Variants in AKT3 observed in about 807,000 individuals in gnomAD.
AKT3 encodes AKT serine/threonine kinase 3, also known as RAC-gamma serine/threonine-protein kinase.
AKT3 carries 15 observed loss-of-function variants against 65.3 expected under a neutral mutation model. The ratio of observed to expected loss-of-function variants is 0.23; its 90% CI spans 0.15 to 0.35. The LOEUF (loss-of-function observed/expected upper bound fraction) is 0.35. AKT3 is among the 10% of genes least tolerant of loss of function. The pLI is 1.00. For missense variants in AKT3, 243 were observed against 576.5 expected, an observed-to-expected ratio of 0.42 and a Z score of 5.92; for synonymous variants, 206 against 183.8, an observed-to-expected ratio of 1.12 and a Z score of -0.98.
At chr1:243,602,250 C>T (rs1007940486) in intron 8 of AKT3, among the ~76,000 whole-genome samples, 11 of 152,182 alleles carry the variant, frequency 7.2e-5, no homozygotes, top group East Asian at 1.9e-4. Context: ...AAATGCTTCC[C>T]GACTTTACAT....
At chr1:243,693,285 T>C (rs1233236125) in intron 3 of AKT3, among the ~76,000 whole-genome samples, 4 of 110,212 alleles carry the variant, frequency 3.6e-5, no homozygotes, top group African/African-American at 1.1e-4. Flanking sequence ...TATATATATA[T>C]ATATATATAA....
chr1:243,801,756 C>A (rs921242455), intron 2 of AKT3, among the ~76,000 whole-genome samples: 10 of 152,248 alleles, frequency 6.6e-5, no homozygotes, highest in Admixed American at 2.0e-4. Context: ...TCTACTATTT[C>A]AAAAAAGCTG....
intron 2 of AKT3, among the ~76,000 whole-genome samples, chr1:243,704,562 T>A (rs1243173414): frequency 6.6e-6 from 1 of 152,124 alleles, no homozygotes; most frequent in East Asian, 1.9e-4. Context: ...TCATGTGGAT[T>A]CAGAAAAAGG....
At position 243,552,960 on chromosome 1, in the gene AKT3, T is replaced by C; in HGVS notation, c.949-17A>G. 1.3e-6 allele frequency: 2 copies of C among 1,526,338 alleles called. No homozygotes were observed. The highest frequency in any genetic ancestry group is 1.8e-6 in the Non-Finnish European group (2 of 1,122,284). The allele number at this position is 1,526,338 out of a possible 1,614,324, so 94.5% of individuals were successfully genotyped here. A position where few individuals can be genotyped will look rare whatever the true frequency, so the allele number is the denominator to read the frequency against. On this transcript the variant is annotated splice_polypyrimidine_tract_variant and intron_variant, in intron 10 of 13. Coordinates refer to ENST00000673466, the MANE Select transcript of AKT3 (RefSeq NM_005465.7). ...TTCTAACACCTAAAAGTGAAATCAG[T>C]AAAAAGATTAATTATTACATGTTAA...
At chr1:243,679,087 A>G (rs1317063115) in intron 3 of AKT3, among the ~76,000 whole-genome samples, 1 of 152,190 alleles carries the variant, frequency 6.6e-6, no homozygotes, top group Non-Finnish European at 1.5e-5. Context: ...CACTTAATGA[A>G]TAGCAAATAT....
At chr1:243,723,971 A>G (rs1687064928) in intron 2 of AKT3, among the ~76,000 whole-genome samples, 1 of 152,218 alleles carries the variant, frequency 6.6e-6, no homozygotes, top group Non-Finnish European at 1.5e-5. Context: ...GCAAAATTCA[A>G]GTTAAAGCTG....
At chr1:243,736,952 G>A (rs1292363516) in intron 2 of AKT3, among the ~76,000 whole-genome samples, 1 of 152,078 alleles carries the variant, frequency 6.6e-6, no homozygotes, top group Non-Finnish European at 1.5e-5. Context: ...TAAATTATCT[G>A]AACATAGAGC....
At chr1:243,678,986 G>A (rs383701) in intron 3 of AKT3, among the ~76,000 whole-genome samples, 125,701 of 151,956 alleles carry the variant, frequency 0.83, 52,219 homozygotes, top group Non-Finnish European at 0.86. Flanking sequence ...TCTGCCACCC[G>A]AGACAGAAAG....
chr1:243,577,949 G>C (rs1321529284), intron 8 of AKT3, among the ~76,000 whole-genome samples: 2 of 152,152 alleles, frequency 1.3e-5, no homozygotes, highest in South Asian at 2.1e-4. Context: ...CAACACCACT[G>C]ATCATTAGAG....
At chr1:243,654,976 T>A (rs144430305) in intron 4 of AKT3, among the ~76,000 whole-genome samples, 4 of 152,264 alleles carry the variant, frequency 2.6e-5, no homozygotes, top group Non-Finnish European at 5.9e-5. Context: ...TATCTTTAAC[T>A]ATTTTTTAAA....
chr1:243,805,134 GC>G (rs1320065177), intron 2 of AKT3, among the ~76,000 whole-genome samples: 2 of 152,084 alleles, frequency 1.3e-5, no homozygotes, highest in Non-Finnish European at 2.9e-5. Flanking sequence ...TGATGATTCT[GC>G]CTTCTCCAAA....
rs28434083 is a variant in AKT3 at position 243,805,665 on chromosome 1, C to T, written c.46+37460G>A. On this transcript the variant is annotated intron_variant, in intron 2 of 13. Transcript: ENST00000673466. The stretch of plus-strand genomic sequence containing the variant: ...TCCTCATGCACACCGCTGTATGTGG[C>T]GTTATTTCACTATCCTCTTGTAAAA... Among the ~76,000 whole-genome samples the T allele has an allele frequency of 4.4e-3, 664 of 152,214 alleles. 5 individuals are homozygous for T. Among genetic ancestry groups the T allele is most frequent in the African/African-American group, 0.015 (609 of 41,546 alleles).
intron 2 of AKT3, among the ~76,000 whole-genome samples, chr1:243,751,355 T>C (rs1688801534): frequency 6.6e-6 from 1 of 152,262 alleles, no homozygotes; most frequent in African/African-American, 2.4e-5. Flanking sequence ...CAGACATTCA[T>C]GCCAAACGCT....
chr1:243,569,906 G>T (rs1372818243), intron 9 of AKT3, among the ~76,000 whole-genome samples: 1 of 152,138 alleles, frequency 6.6e-6, no homozygotes, highest in Non-Finnish European at 1.5e-5. Context: ...ATATAATTTG[G>T]ACTACTGAAG....
chr1:243,722,853 G>T (rs1400055206), intron 2 of AKT3, among the ~76,000 whole-genome samples: 1 of 152,094 alleles, frequency 6.6e-6, no homozygotes. Flanking sequence ...TCTTTCTCAA[G>T]AAATGCAGTA....
At chr1:243,537,929 A>C (rs561932102) in intron 12 of AKT3, among the ~76,000 whole-genome samples, 2 of 152,210 alleles carry the variant, frequency 1.3e-5, no homozygotes, top group Non-Finnish European at 2.9e-5. Context: ...TCCTTCAAAC[A>C]CATTTTTCCA....
At chr1:243,553,921 C>T (rs768318486) in intron 10 of AKT3, among the ~76,000 whole-genome samples, 1 of 152,114 alleles carries the variant, frequency 6.6e-6, no homozygotes, top group East Asian at 1.9e-4. Flanking sequence ...ATCCTCTCAG[C>T]TTTGGAAAAC....
intron 13 of AKT3, among the ~76,000 whole-genome samples, chr1:243,491,183 A>G (rs1666318329): frequency 6.6e-6 from 1 of 152,218 alleles, no homozygotes; most frequent in Non-Finnish European, 1.5e-5. Flanking sequence ...AGATCTTAAC[A>G]TGGATCACCG....
At chr1:243,578,480 C>T (rs1362672850) in intron 8 of AKT3, among the ~76,000 whole-genome samples, 2 of 152,066 alleles carry the variant, frequency 1.3e-5, no homozygotes, top group South Asian at 4.1e-4. Flanking sequence ...GGGAGCTGAA[C>T]AATGAGAATA....
Sources: gnomAD v4.1 joint callset for allele counts (sites outside exome capture counted in the v4.1 genomes callset) on GRCh38, gnomAD v4.1.1 for gene constraint, MANE v1.5 for transcripts, NCBI Gene and HGNC (gene_info 2026-07-23, HGNC 2026-07-21) for gene names.